MYCBP2: variants seen among roughly 807,000 people sequenced by gnomAD.
MYCBP2 encodes MYC binding protein 2.
MYCBP2 carries 120 observed loss-of-function variants against 525.3 expected under a neutral mutation model. The observed-to-expected ratio is 0.23, with a 90% CI of 0.20 to 0.27. The LOEUF (loss-of-function observed/expected upper bound fraction) is 0.27, where lower values mean the gene tolerates loss of function less well. Ranked by LOEUF, MYCBP2 falls within the 10% of genes least tolerant of loss-of-function variation. The probability of loss-of-function intolerance (pLI) is 1.00; values close to 1 mark genes in which losing one functional copy is unlikely to be tolerated. For missense variants in MYCBP2, 4,149 were observed against 5,657.1 expected (o/e 0.73, Z 8.55); for synonymous variants, 1,894 against 1,955.8 (o/e 0.97, Z 0.83).
intron 76 of MYCBP2, among the ~76,000 whole-genome samples, chr13:77,060,504 C>T (rs1314150956): frequency 6.6e-6 from 1 of 152,166 alleles, no homozygotes; most frequent in East Asian, 1.9e-4. Flanking sequence ...TGGCAGACTG[C>T]AGATGTGCTG....
chr13:77,256,635 A>G (rs2072242715), intron 14 of MYCBP2, among the ~76,000 whole-genome samples: 1 of 152,108 alleles, frequency 6.6e-6, no homozygotes, highest in Non-Finnish European at 1.5e-5. Context: ...AAGGTGCTCA[A>G]CATCATGGAT....
Position 77,267,903 on chromosome 13 carries a change from C to G in MYCBP2, c.1295G>C (p.Ser432Thr), listed in dbSNP as rs201140348. 1.2e-4 allele frequency: 187 copies of G among 1,613,786 alleles called. 1 individual carries two copies. Among genetic ancestry groups the G allele is most frequent in the Non-Finnish European group, 1.8e-5 (21 of 1,179,840 alleles). The change falls in exon 8 of 83, where the codon AGC (serine) becomes ACC (threonine). Residue 432 changes from serine to threonine, a missense_variant. Ser to Thr is a moderately conservative substitution (Grantham distance 58). Transcript: ENST00000544440. The part of the protein sequence containing the change: ...YLLYRDVNNH[S>T]MTAIRISPET... ...AGGGCTTATCCTTATGGCTGTCATG[C>G]TGTGGTTATTCACATCTCTATATAA...
chr13:77,304,999 C>A (rs1403835505), intron 1 of MYCBP2, among the ~76,000 whole-genome samples: 1 of 151,788 alleles, frequency 6.6e-6, no homozygotes, highest in Non-Finnish European at 1.5e-5. Flanking sequence ...TGAAAAAAAA[C>A]TGGATCCCTA....
intron 46 of MYCBP2, among the ~76,000 whole-genome samples, chr13:77,154,796 C>G (rs1244161756): frequency 6.6e-6 from 1 of 152,000 alleles, no homozygotes; most frequent in African/African-American, 2.4e-5. Context: ...ATATCACTAT[C>G]AGGATAACTT....
chr13:77,178,575 T>A (rs2059932494), intron 34 of MYCBP2, among the ~76,000 whole-genome samples: 1 of 152,258 alleles, frequency 6.6e-6, no homozygotes, highest in Non-Finnish European at 1.5e-5. Context: ...AGACTTTCAC[T>A]AGAGAGAATT....
chr13:77,278,745 C>T lies in MYCBP2; in HGVS notation c.748+13G>A, dbSNP rs1187519785. Reference sequence around the variant, plus strand: ...ACTTTTAAATGCTTCACTGAATGAGCCTTGGCTCTTACCTAGGACCTCAGG... The same window carrying T: ...ACTTTTAAATGCTTCACTGAATGAGTCTTGGCTCTTACCTAGGACCTCAGG... On this transcript the variant is annotated intron_variant, in intron 4 of 82. Coordinates refer to ENST00000544440, the MANE Select transcript of MYCBP2 (RefSeq NM_015057.5). 2.7e-6 allele frequency: 4 copies of T among 1,509,174 alleles called. No individual in the cohort carries two copies. In the South Asian group the frequency reaches 4.1e-5, roughly 15 times the overall value. The allele number at this position is 1,509,174 out of a possible 1,614,324, so 93.5% of individuals were successfully genotyped here.
chr13:77,084,428 T>G (rs1384968926), intron 62 of MYCBP2, among the ~76,000 whole-genome samples: 1 of 152,218 alleles, frequency 6.6e-6, no homozygotes, highest in Non-Finnish European at 1.5e-5. Context: ...TTATATTATC[T>G]TCTACTGATA....
chr13:77,260,817 C>T (rs2073142798), intron 12 of MYCBP2, among the ~76,000 whole-genome samples: 1 of 152,084 alleles, frequency 6.6e-6, no homozygotes, highest in African/African-American at 2.4e-5. Context: ...ATCCTCATTC[C>T]CTGAAGTACA....
intron 15 of MYCBP2, among the ~76,000 whole-genome samples, chr13:77,249,898 G>A (rs1239693214): frequency 6.6e-6 from 1 of 152,148 alleles, no homozygotes; most frequent in African/African-American, 2.4e-5. Context: ...CGACTTTATT[G>A]CTTATACTAA....
intron 49 of MYCBP2, among the ~76,000 whole-genome samples, chr13:77,143,326 C>T (rs1176543044): frequency 6.6e-6 from 1 of 152,162 alleles, no homozygotes; most frequent in African/African-American, 2.4e-5. Context: ...GCTGTCCAAT[C>T]AGCTGGGGAC....
At chr13:77,322,397 A>T (rs892869523) in intron 1 of MYCBP2, among the ~76,000 whole-genome samples, 2 of 152,152 alleles carry the variant, frequency 1.3e-5, no homozygotes, top group African/African-American at 4.8e-5. Context: ...CTTCCAGTCT[A>T]TCAGTTCCCT....
chr13:77,218,023 T>C (rs2065061008), intron 20 of MYCBP2, 66 bp from the exon 21 acceptor site: 2 of 1,075,374 alleles, frequency 1.9e-6, no homozygotes, highest in Non-Finnish European at 2.8e-6. Context: ...AAACAATAAG[T>C]AAGCAATGCA....
intron 54 of MYCBP2, among the ~76,000 whole-genome samples, chr13:77,122,689 C>CA (rs771487864): frequency 0.048 from 2,473 of 51,812 alleles, 126 homozygotes; most frequent in African/African-American, 0.11. Context: ...GACTCCATCT[C>CA]AAAAAAAAAA....
Position 77,288,356 on chromosome 13 carries a change from T to G in MYCBP2, c.399A>C (p.Thr133=), listed in dbSNP as rs778475532. Residue 133 remains threonine (T), a synonymous_variant, in exon 3 of 83, where the codon ACA becomes ACC. Transcript: ENST00000544440. ...TRSKSENLEN[T]VIIPDIKLHS... is the part of the protein sequence containing the mutation. ...GTAGTTTGATATCTGGTATGATTAC[T>G]GTATTCTCTAAGTTTTCAGACTGAA... 6.2e-7 allele frequency: 1 copy of G among 1,613,288 alleles called. No individual in the cohort carries two copies. The highest frequency in any genetic ancestry group is 8.5e-7 in the Non-Finnish European group (1 of 1,179,348).
At chr13:77,118,217 G>C (rs2050105732) in intron 55 of MYCBP2, 3 of 587,096 alleles carry the variant, frequency 5.1e-6, no homozygotes, top group South Asian at 2.2e-5. Context: ...AAATGTGGGA[G>C]GGGATAACAT....
intron 82 of MYCBP2, 66 bp from the exon 83 acceptor site, chr13:77,045,559 G>A (rs2035379823): frequency 1.1e-6 from 1 of 939,136 alleles, no homozygotes. Context: ...AAACCTCACA[G>A]AAATATAAAT....
Position 77,126,559 on chromosome 13 carries a change from G to A in MYCBP2, c.7660-17C>T, listed in dbSNP as rs1212039075. ...TTTAGATTCCTGAAAATTTGAATAG[G>A]AAAGAAAAATAAACAAAATACAATC... On this transcript the variant is annotated splice_polypyrimidine_tract_variant and intron_variant, in intron 52 of 82. Coordinates refer to ENST00000544440, the MANE Select transcript of MYCBP2 (RefSeq NM_015057.5). 3 of 1,588,250 alleles carry A rather than the reference G, an allele frequency of 1.9e-6. No individual in the cohort carries two copies. In the Admixed American group the frequency reaches 5.2e-5, roughly 27 times the overall value.
chr13:77,251,594 T>C (rs1185868959), intron 14 of MYCBP2, among the ~76,000 whole-genome samples: 4 of 152,220 alleles, frequency 2.6e-5, no homozygotes, highest in Admixed American at 2.6e-4. Flanking sequence ...TCTTGGCTGT[T>C]ACCTTCTGTC....
chr13:77,092,498 C>T (rs2045597915), intron 59 of MYCBP2: 2 of 151,896 alleles, frequency 1.3e-5, no homozygotes. Context: ...AATCTCAGCT[C>T]ACTGCAACCT....
Sources: allele counts gnomAD v4.1 joint callset (sites outside exome capture counted in the v4.1 genomes callset), GRCh38; gene constraint gnomAD v4.1.1; transcripts MANE v1.5; gene names NCBI Gene and HGNC (gene_info 2026-07-23, HGNC 2026-07-21).